The following CNTNAP2 variants were observed in gnomAD, a reference collection of about 807,000 sequenced individuals.
CNTNAP2 encodes contactin-associated protein-like 2.
Under a neutral mutation model 155.2 loss-of-function variants are expected in CNTNAP2, and 98 were observed. The observed-to-expected ratio is 0.63, with a 90% CI of 0.54 to 0.75. CNTNAP2 has a LOEUF of 0.75. Among genes scored for constraint, CNTNAP2 ranks in the 30% least tolerant of loss-of-function variants. The pLI is 0.00. For missense variants in CNTNAP2, 1,727 were observed against 1,688.1 expected, an observed-to-expected ratio of 1.02 and a Z score of -0.40; for synonymous variants, 651 against 631.2, an observed-to-expected ratio of 1.03 and a Z score of -0.47.
At chr7:147,199,520 GT>G (rs1802879053) in intron 8 of CNTNAP2, among the ~76,000 whole-genome samples, 1 of 151,658 alleles carries the variant, frequency 6.6e-6, no homozygotes, top group Non-Finnish European at 1.5e-5. Context: ...TCTCCTGCTG[GT>G]TTTTAAATGG....
intron 13 of CNTNAP2, among the ~76,000 whole-genome samples, chr7:147,899,635 C>T (rs2708266): frequency 0.23 from 35,677 of 151,880 alleles, 4,285 homozygotes; most frequent in Middle Eastern, 0.3. Flanking sequence ...CTGTAATCTT[C>T]GCACTTTGAG....
At chr7:148,173,288 G>A (rs1794863491) in intron 18 of CNTNAP2, among the ~76,000 whole-genome samples, 2 of 152,152 alleles carry the variant, frequency 1.3e-5, no homozygotes. Context: ...GGAGGAGCTG[G>A]TGCTTTTCCT....
intron 1 of CNTNAP2, among the ~76,000 whole-genome samples, chr7:146,749,364 A>G (rs193192638): frequency 4.6e-5 from 7 of 152,338 alleles, no homozygotes; most frequent in African/African-American, 1.4e-4. Flanking sequence ...CAAAGATTAC[A>G]TAACTGGCAA....
chr7:148,064,757 T>C (rs560826235), intron 15 of CNTNAP2, among the ~76,000 whole-genome samples: 1 of 151,166 alleles, frequency 6.6e-6, no homozygotes, highest in South Asian at 2.1e-4. Context: ...TACAAAACAC[T>C]ACTATCTTTT....
intron 22 of CNTNAP2, among the ~76,000 whole-genome samples, chr7:148,396,339 C>A (rs1799467797): frequency 6.6e-6 from 1 of 152,158 alleles, no homozygotes; most frequent in African/African-American, 2.4e-5. Flanking sequence ...TCCTACTGTA[C>A]CGCATTTTTG....
chr7:146,847,844 T>A (rs180899506), intron 3 of CNTNAP2, among the ~76,000 whole-genome samples: 85 of 152,278 alleles, frequency 5.6e-4, no homozygotes, highest in African/African-American at 1.9e-3. Flanking sequence ...GAAAGTTTTT[T>A]CAGATATATA....
At chr7:148,255,927 A>T (rs1255882520) in intron 20 of CNTNAP2, among the ~76,000 whole-genome samples, 2 of 152,162 alleles carry the variant, frequency 1.3e-5, no homozygotes, top group Non-Finnish European at 2.9e-5. Context: ...GGAATCTGAG[A>T]CGATCACTAC....
Position 147,395,619 on chromosome 7 carries a change from C to A in CNTNAP2, c.1509C>A (p.Asn503Lys). The change falls in exon 10 of 24, where the codon AAC (asparagine) becomes AAA (lysine). Residue 503 changes from asparagine to lysine, a missense_variant. Asn to Lys is a moderately conservative substitution (Grantham distance 94). Coordinates refer to ENST00000361727, the MANE Select transcript of CNTNAP2 (RefSeq NM_014141.6). Reference sequence around the variant, plus strand: ...TCTTCTGTTTCACAGGTTTTCTGAACCAGATGAATAACTCAAGTCACTCTG... The same window carrying A: ...TCTTCTGTTTCACAGGTTTTCTGAAACAGATGAATAACTCAAGTCACTCTG... ...GEKYFFGGFL[N>K]QMNNSSHSVL... The A allele has an allele frequency of 6.2e-7, 1 of 1,611,822 alleles. No individual in the cohort carries two copies. Among genetic ancestry groups the A allele is most frequent in the South Asian group, 1.1e-5 (1 of 91,008 alleles).
intron 3 of CNTNAP2, among the ~76,000 whole-genome samples, chr7:147,020,455 G>A (rs1356064814): frequency 6.6e-6 from 1 of 152,026 alleles, no homozygotes; most frequent in Non-Finnish European, 1.5e-5. Context: ...TTGAAACACT[G>A]TACAGCTCAC....
intron 21 of CNTNAP2, among the ~76,000 whole-genome samples, chr7:148,333,299 A>G (rs1481638440): frequency 6.6e-6 from 1 of 152,048 alleles, no homozygotes; most frequent in Non-Finnish European, 1.5e-5. Context: ...ATGGTGGCAC[A>G]CGCCTGTAAT....
intron 8 of CNTNAP2, among the ~76,000 whole-genome samples, chr7:147,198,516 G>C (rs1563112802): frequency 6.6e-6 from 1 of 152,208 alleles, no homozygotes; most frequent in Non-Finnish European, 1.5e-5. Flanking sequence ...ACAGGTGTGA[G>C]CCACCGCGCC....
chr7:148,040,600 TAA>T (rs1802654185), intron 15 of CNTNAP2, among the ~76,000 whole-genome samples: 1 of 152,254 alleles, frequency 6.6e-6, no homozygotes, highest in South Asian at 2.1e-4. Context: ...GCCTTTTTCC[TAA>T]AATAGGTATG....
Position 146,598,252 on chromosome 7 carries a change from C to T in CNTNAP2, c.98-176019C>T, listed in dbSNP as rs568946631. On this transcript the variant is annotated intron_variant, in intron 1 of 23. Coordinates refer to ENST00000361727, the MANE Select transcript of CNTNAP2 (RefSeq NM_014141.6). ...CAATTGTCTCTTCTTTTTTCTGTTT[C>T]TCGATTTTACCTTTCTACTCTATCA... 1.1e-4 allele frequency among the ~76,000 whole-genome samples: 16 copies of T among 152,178 alleles called. No individual in the cohort carries two copies. In the South Asian group the frequency reaches 3.3e-3, roughly 32 times the overall value.
At chr7:146,327,151 G>A (rs1020337631) in intron 1 of CNTNAP2, among the ~76,000 whole-genome samples, 1 of 151,698 alleles carries the variant, frequency 6.6e-6, no homozygotes, top group African/African-American at 2.4e-5. Context: ...ATTATTCAAG[G>A]GTATTTGAAG....
intron 20 of CNTNAP2, among the ~76,000 whole-genome samples, chr7:148,253,025 G>C (rs137925926): frequency 0.01 from 1,370 of 134,578 alleles, 12 homozygotes; most frequent in South Asian, 0.033. Context: ...TAGATAGATA[G>C]ATAGATAGAT....
intron 15 of CNTNAP2, among the ~76,000 whole-genome samples, chr7:147,982,219 A>G (rs1182846427): frequency 1.3e-5 from 2 of 152,214 alleles, no homozygotes; most frequent in African/African-American, 4.8e-5. Flanking sequence ...CAGCCATATG[A>G]TGTAAAACTT....
intron 9 of CNTNAP2, among the ~76,000 whole-genome samples, chr7:147,303,576 G>A (rs1794979738): frequency 6.6e-6 from 1 of 152,188 alleles, no homozygotes. Context: ...TACTAGTATA[G>A]TGGAAAGGAG....
chr7:146,817,969 G>A (rs76842143), intron 2 of CNTNAP2, among the ~76,000 whole-genome samples: 3,724 of 152,246 alleles, frequency 0.024, 167 homozygotes, highest in African/African-American at 0.087. Flanking sequence ...TGATTGAAAA[G>A]TAAGTTATTA....
chr7:148,400,311 A>G (rs1006315666), intron 22 of CNTNAP2, among the ~76,000 whole-genome samples: 4 of 152,216 alleles, frequency 2.6e-5, no homozygotes, highest in Non-Finnish European at 5.9e-5. Flanking sequence ...CAGGAGAAAC[A>G]GCGTTTTCCT....
Sources: gnomAD v4.1 joint callset for allele counts (sites outside exome capture counted in the v4.1 genomes callset) on GRCh38, gnomAD v4.1.1 for gene constraint, MANE v1.5 for transcripts, NCBI Gene and HGNC (gene_info 2026-07-23, HGNC 2026-07-21) for gene names.